Variants in TBC1D30 observed in about 807,000 individuals in gnomAD.
TBC1D30 encodes TBC1 domain family, member 30.
TBC1D30 carries 31 observed loss-of-function variants against 63.2 expected under a neutral mutation model. The observed-to-expected ratio is 0.49, with a 90% CI of 0.37 to 0.66. TBC1D30 has a LOEUF of 0.66. TBC1D30 is among the 30% of genes least tolerant of loss of function. TBC1D30 has a pLI of 0.00. For missense variants in TBC1D30, 810 were observed against 953.6 expected, an observed-to-expected ratio of 0.85 and a Z score of 1.98; for synonymous variants, 307 against 361.5, an observed-to-expected ratio of 0.85 and a Z score of 1.71.
chr12:64,838,671 G>A lies in TBC1D30; in HGVS notation c.764-12G>A, dbSNP rs953431820. 2 of 1,536,356 alleles carry A rather than the reference G, an allele frequency of 1.3e-6. No individual in the cohort carries two copies. The highest frequency in any genetic ancestry group is 1.4e-5 in the African/African-American group (1 of 73,166). ...AGTTCTGAAGGAATTGAATGTGTTTGTTTTATTTCAGGTGGATATGAGCCC... is the reference window on the plus strand; with the variant it reads ...AGTTCTGAAGGAATTGAATGTGTTTATTTTATTTCAGGTGGATATGAGCCC... On this transcript the variant is annotated splice_polypyrimidine_tract_variant and intron_variant, in intron 6 of 11. Coordinates refer to ENST00000539867, the MANE Select transcript of TBC1D30 (RefSeq NM_015279.2).
At chr12:64,800,437 G>A (rs1342274342) in intron 2 of TBC1D30, among the ~76,000 whole-genome samples, 1 of 152,196 alleles carries the variant, frequency 6.6e-6, no homozygotes, top group Admixed American at 6.5e-5. Context: ...AGTATTGGGA[G>A]AGGCGAATGG....
intron 5 of TBC1D30, among the ~76,000 whole-genome samples, chr12:64,835,462 G>A (rs1446777120): frequency 6.6e-6 from 1 of 152,054 alleles, no homozygotes; most frequent in Non-Finnish European, 1.5e-5. Flanking sequence ...CTTTTCCATC[G>A]ACATAGAGCC....
In TBC1D30 at chr12:64,876,849, C is replaced by T. The variant is rs1185237349; in HGVS notation, c.*1061C>T. 6.6e-6 allele frequency: 3 copies of T among 456,082 alleles called. No individual in the cohort carries two copies. The highest frequency in any genetic ancestry group is 8.8e-6 in the Non-Finnish European group (2 of 226,802). The allele number at this position is 456,082 out of a possible 1,614,324, so 28.3% of individuals were successfully genotyped here. A position where few individuals can be genotyped will look rare whatever the true frequency, so the allele number is the denominator to read the frequency against. On this transcript the variant is annotated 3_prime_UTR_variant, in exon 12 of 12. Transcript: ENST00000539867. ...CCCTTTCTAGCTCTCTCTCACCCAG[C>T]GGGTCAGGGATAGCACCTCTTGTCT...
At chr12:64,810,888 A>G (rs190611308) in intron 2 of TBC1D30, among the ~76,000 whole-genome samples, 165 of 152,354 alleles carry the variant, frequency 1.1e-3, no homozygotes, top group African/African-American at 3.9e-3. Context: ...CCCAGAGCCT[A>G]GAAGGTAAAC....
At chr12:64,835,619 T>A (rs1343668570) in intron 5 of TBC1D30, among the ~76,000 whole-genome samples, 1 of 152,198 alleles carries the variant, frequency 6.6e-6, no homozygotes, top group East Asian at 1.9e-4. Flanking sequence ...AGCACGTGGA[T>A]GCTCTTCAGA....
At chr12:64,806,610 C>T (rs1008378310) in intron 2 of TBC1D30, among the ~76,000 whole-genome samples, 1 of 152,174 alleles carries the variant, frequency 6.6e-6, no homozygotes, top group African/African-American at 2.4e-5. Flanking sequence ...CTATGGAAAA[C>T]AGTATGGTGG....
intron 2 of TBC1D30, among the ~76,000 whole-genome samples, chr12:64,795,757 A>G (rs1382395886): frequency 2.7e-5 from 4 of 145,996 alleles, no homozygotes; most frequent in Non-Finnish European, 6.0e-5. Context: ...TGATTTAAAA[A>G]TTATCTTTAC....
rs1873044214 is a variant in TBC1D30 at position 64,808,962 on chromosome 12, T to G, written c.644-18873T>G. ...CCATTCATCCATCCATTCATCCATCTTTGGGCACTTGGGTTGCATCCACCT... is the reference window on the plus strand; with the variant it reads ...CCATTCATCCATCCATTCATCCATCGTTGGGCACTTGGGTTGCATCCACCT... On this transcript the variant is annotated intron_variant, in intron 2 of 12. Coordinates refer to the TBC1D30 transcript ENST00000542120. Among the ~76,000 whole-genome samples, 4 of 152,208 alleles carry G rather than the reference T, an allele frequency of 2.6e-5. 1 individual carries two copies. The South Asian group carries it at 8.3e-4, about 32-fold the overall frequency.
intron 7 of TBC1D30, among the ~76,000 whole-genome samples, chr12:64,842,223 G>T (rs1053429994): frequency 2.0e-5 from 3 of 152,090 alleles, no homozygotes; most frequent in African/African-American, 7.2e-5. Context: ...GCAGGGTGTG[G>T]TGGTGGGTGC....
chr12:64,793,113 G>T (rs1449034727), intron 2 of TBC1D30, among the ~76,000 whole-genome samples: 1 of 152,100 alleles, frequency 6.6e-6, no homozygotes, highest in East Asian at 1.9e-4. Flanking sequence ...GCTGAAGCAG[G>T]AGGGATTGCT....
intron 1 of TBC1D30, among the ~76,000 whole-genome samples, chr12:64,783,463 A>G (rs545601207): frequency 2.0e-5 from 3 of 152,156 alleles, no homozygotes; most frequent in Non-Finnish European, 2.9e-5. Flanking sequence ...ACTTTTTATC[A>G]TATACCCTGG....
rs1329334977 is a variant in TBC1D30 at position 64,870,651 on chromosome 12, T to C, written c.1341T>C (p.Ser447=). The stretch of plus-strand genomic sequence containing the variant: ...GATCTAATAACATTGCAGAGCTGAG[T>C]CCAGGAGCAATCAATTCCTGTCGAA... ...SLRSNNIAEL[S]PGAINSCRSE... is the part of the protein sequence containing the mutation. Residue 447 remains serine (S), a synonymous_variant, in exon 11 of 12, where the codon AGT becomes AGC. Transcript: ENST00000539867. 4 of 1,536,122 alleles carry C rather than the reference T, an allele frequency of 2.6e-6. No individual in the cohort carries two copies. Among genetic ancestry groups the C allele is most frequent in the Non-Finnish European group, 2.6e-6 (3 of 1,146,898 alleles).
At chr12:64,798,325 C>T (rs1872398198) in intron 2 of TBC1D30, among the ~76,000 whole-genome samples, 1 of 152,184 alleles carries the variant, frequency 6.6e-6, no homozygotes, top group South Asian at 2.1e-4. Flanking sequence ...GCCATTTTTA[C>T]ACATCATGTG....
rs1475161789 is a variant in TBC1D30, at chr12:64,878,413, G to C, written c.*2625G>C. 1 of 456,494 alleles carries C rather than the reference G, an allele frequency of 2.2e-6. No individual in the cohort carries two copies. Among genetic ancestry groups the C allele is most frequent in the East Asian group, 6.9e-5 (1 of 14,412 alleles). 28.3% of individuals were successfully genotyped at this position (456,494 alleles called of 1,614,324 possible). On this transcript the variant is annotated 3_prime_UTR_variant, in exon 12 of 12. Coordinates refer to ENST00000539867, the MANE Select transcript of TBC1D30 (RefSeq NM_015279.2). ...TAGTGGTTTCTTGATTTTTAGATAT[G>C]TCTGTAGCCTCTTAGCCCTTTTGCC... is the stretch of plus-strand genomic sequence containing the variant.
intron 1 of TBC1D30, among the ~76,000 whole-genome samples, chr12:64,761,612 G>T (rs938352110): frequency 6.6e-6 from 1 of 152,148 alleles, no homozygotes; most frequent in Non-Finnish European, 1.5e-5. Flanking sequence ...CCCACCCAGC[G>T]CCATGACAGT....
At chr12:64,787,478 G>A in intron 2 of TBC1D30, 1 of 559,404 alleles carries the variant, frequency 1.8e-6, no homozygotes, top group Non-Finnish European at 2.3e-6. Flanking sequence ...CTTTCACTCT[G>A]TCACATTTTG....
chr12:64,801,038 C>T (rs529909800), intron 2 of TBC1D30, among the ~76,000 whole-genome samples: 67 of 152,232 alleles, frequency 4.4e-4, no homozygotes, highest in African/African-American at 1.5e-3. Flanking sequence ...TGTCCCTCTC[C>T]GTTTGTTAGA....
At chr12:64,874,924 C>T (rs915787308) in intron 11 of TBC1D30, 77 bp from the exon 12 acceptor site, 14 of 1,387,240 alleles carry the variant, frequency 1.0e-5, no homozygotes, top group Non-Finnish European at 1.3e-5. Context: ...CTGGGAGGAC[C>T]TCTAAGTGAT....
chr12:64,838,317 T>A (rs907863181), intron 6 of TBC1D30, among the ~76,000 whole-genome samples: 1 of 152,210 alleles, frequency 6.6e-6, no homozygotes, highest in Middle Eastern at 3.2e-3. Flanking sequence ...AAGTGGGCAT[T>A]ATATGATTTT....
Sources: allele counts gnomAD v4.1 joint callset (sites outside exome capture counted in the v4.1 genomes callset), GRCh38; gene constraint gnomAD v4.1.1; transcripts MANE v1.5; gene names NCBI Gene and HGNC (gene_info 2026-07-23, HGNC 2026-07-21).